FNDC3A: variants seen among roughly 807,000 people sequenced by gnomAD.
FNDC3A encodes fibronectin type-III domain-containing protein 3A.
In FNDC3A, 32 loss-of-function variants were observed where a neutral mutation model predicts 148.9. That is an observed-to-expected ratio of 0.21 (90% CI 0.16 to 0.29). FNDC3A has a LOEUF of 0.29. Ranked by LOEUF, FNDC3A falls within the 10% of genes least tolerant of loss-of-function variation. The probability of loss-of-function intolerance (pLI) is 1.00; values close to 1 mark genes in which losing one functional copy is unlikely to be tolerated. For missense variants in FNDC3A, 1,191 were observed against 1,452.8 expected, an observed-to-expected ratio of 0.82 and a Z score of 2.93; for synonymous variants, 472 against 473.6, an observed-to-expected ratio of 1.00 and a Z score of 0.04.
intron 5 of FNDC3A, among the ~76,000 whole-genome samples, chr13:49,133,526 T>G (rs1428003189): frequency 6.6e-6 from 1 of 152,188 alleles, no homozygotes; most frequent in African/African-American, 2.4e-5. Context: ...AAGCCAGAGA[T>G]TCTACCACTA....
rs565039195 is a variant in FNDC3A, at chr13:49,167,623, T to C, written c.1037+320T>C. Among the ~76,000 whole-genome samples the C allele has an allele frequency of 2.0e-5, 3 of 152,280 alleles. No individual in the cohort carries two copies. The East Asian group carries it at 5.8e-4, about 29-fold the overall frequency. On this transcript the variant is annotated intron_variant, in intron 9 of 25. Transcript: ENST00000492622. Reference sequence around the variant, plus strand: ...CGGAAGGCTGAGGTAGGAGGATTGCTTGAGCCCAGGAGGTTAAGACTGCAG... The same window carrying C: ...CGGAAGGCTGAGGTAGGAGGATTGCCTGAGCCCAGGAGGTTAAGACTGCAG...
At chr13:49,107,167 T>C (rs929628821) in intron 3 of FNDC3A, among the ~76,000 whole-genome samples, 9 of 152,312 alleles carry the variant, frequency 5.9e-5, no homozygotes, top group South Asian at 2.1e-4. Context: ...TATCAAATAT[T>C]GCATAATCAA....
chr13:49,118,846 C>T (rs1271514893), intron 4 of FNDC3A, among the ~76,000 whole-genome samples: 1 of 152,212 alleles, frequency 6.6e-6, no homozygotes, highest in Non-Finnish European at 1.5e-5. Context: ...AGAAAGGCTC[C>T]AGCCCCAGTC....
chr13:48,984,439 T>C (rs781011837), intron 1 of FNDC3A, among the ~76,000 whole-genome samples: 22 of 152,180 alleles, frequency 1.4e-4, no homozygotes, highest in Non-Finnish European at 2.2e-4. Flanking sequence ...ATTACAATTA[T>C]TAAAATAAGA....
intron 2 of FNDC3A, among the ~76,000 whole-genome samples, chr13:49,022,776 C>T (rs1051524146): frequency 3.9e-5 from 6 of 152,038 alleles, no homozygotes; most frequent in Non-Finnish European, 8.8e-5. Context: ...TTAAACATTA[C>T]TCTCCTTTTT....
At chr13:49,159,666 G>A (rs1883963254) in intron 8 of FNDC3A, among the ~76,000 whole-genome samples, 1 of 152,198 alleles carries the variant, frequency 6.6e-6, no homozygotes, top group Admixed American at 6.5e-5. Flanking sequence ...TTGAATAGGG[G>A]TGGAGAGAGA....
intron 2 of FNDC3A, among the ~76,000 whole-genome samples, chr13:49,008,618 C>G (rs540450859): frequency 6.6e-6 from 1 of 152,128 alleles, no homozygotes; most frequent in Non-Finnish European, 1.5e-5. Flanking sequence ...TCTGTCTCCT[C>G]ATTAATATTT....
intron 2 of FNDC3A, among the ~76,000 whole-genome samples, chr13:49,059,908 A>C (rs1413112597): frequency 6.6e-6 from 1 of 152,230 alleles, no homozygotes. Flanking sequence ...CAGCAAACAC[A>C]AGAAAAGATG....
chr13:49,108,526 G>T (rs1407239284), intron 3 of FNDC3A, among the ~76,000 whole-genome samples: 2 of 152,136 alleles, frequency 1.3e-5, no homozygotes, highest in Non-Finnish European at 2.9e-5. Context: ...ACAGGAACAA[G>T]TGTTCTGTAA....
In FNDC3A at chr13:49,120,055, G is replaced by A. The variant is rs183990824; in HGVS notation, c.252+5324G>A. Among the ~76,000 whole-genome samples, 1,446 of 152,248 alleles carry A rather than the reference G, an allele frequency of 9.5e-3. 13 individuals carry two copies. Among genetic ancestry groups the A allele is most frequent in the African/African-American group, 0.023 (937 of 41,522 alleles). ...CGTAATTGTCAGATTCACCAAGGTA[G>A]ACATGAAGGAAAAAATGTTAAGGGC... On this transcript the variant is annotated intron_variant, in intron 4 of 25. Transcript: ENST00000492622.
chr13:49,128,251 G>C (rs534419188), intron 4 of FNDC3A, among the ~76,000 whole-genome samples: 41 of 152,276 alleles, frequency 2.7e-4, no homozygotes, highest in Admixed American at 3.9e-4. Context: ...GGTCTTAGCT[G>C]TGATCATCTC....
intron 3 of FNDC3A, 38 bp from the exon 4 acceptor site, chr13:49,114,617 A>T (rs1566258445): frequency 7.3e-7 from 1 of 1,371,902 alleles, no homozygotes; most frequent in Non-Finnish European, 1.0e-6. Context: ...CCTGATAAGC[A>T]ATCATGGGTT....
At position 49,209,639 on chromosome 13, in the gene FNDC3A, T is replaced by G. The variant is rs1011338690; in HGVS notation, c.*2244T>G. 6.6e-6 allele frequency: 1 copy of G among 152,596 alleles called. No individual in the cohort carries two copies. The highest frequency in any genetic ancestry group is 2.4e-5 in the African/African-American group (1 of 41,454). 9.5% of individuals were successfully genotyped at this position (152,596 alleles called of 1,614,324 possible). On this transcript the variant is annotated 3_prime_UTR_variant, in exon 26 of 26. Coordinates refer to ENST00000492622, the MANE Select transcript of FNDC3A (RefSeq NM_001079673.2). ...ATATATTCATTATTTGCTACCTGTT[T>G]AAGAAAGTGAAATGTTATGGTCTCC...
intron 1 of FNDC3A, among the ~76,000 whole-genome samples, chr13:48,999,964 T>C (rs926304792): frequency 2.0e-5 from 3 of 152,196 alleles, no homozygotes; most frequent in African/African-American, 7.2e-5. Flanking sequence ...TTGCACACTT[T>C]TGTGGTTTTT....
At chr13:49,018,880 C>G (rs911294118) in intron 2 of FNDC3A, among the ~76,000 whole-genome samples, 4 of 152,278 alleles carry the variant, frequency 2.6e-5, no homozygotes, top group South Asian at 2.1e-4. Context: ...GTCAGTCTGC[C>G]CCTGCTGGGG....
chr13:49,035,334 A>G (rs1033305986), intron 2 of FNDC3A, among the ~76,000 whole-genome samples: 5 of 152,052 alleles, frequency 3.3e-5, no homozygotes, highest in South Asian at 2.1e-4. Flanking sequence ...CTGTATATAC[A>G]TATATGCAGA....
intron 5 of FNDC3A, among the ~76,000 whole-genome samples, chr13:49,135,843 A>G (rs1354944885): frequency 6.6e-6 from 1 of 152,220 alleles, no homozygotes; most frequent in Admixed American, 6.5e-5. Flanking sequence ...AACAGTCTAA[A>G]TCATTTCTTT....
At chr13:49,125,065 C>G (rs757961006) in intron 4 of FNDC3A, among the ~76,000 whole-genome samples, 3 of 152,018 alleles carry the variant, frequency 2.0e-5, no homozygotes, top group African/African-American at 7.3e-5. Context: ...AATTGTAGAT[C>G]GCATAGCGTG....
At chr13:49,153,208 A>G (rs1321454486) in intron 8 of FNDC3A, among the ~76,000 whole-genome samples, 3 of 150,914 alleles carry the variant, frequency 2.0e-5, no homozygotes, top group Admixed American at 1.3e-4. Context: ...AATGATTGCC[A>G]TTCTAACTGG....
Sources: gnomAD v4.1 joint callset for allele counts (sites outside exome capture counted in the v4.1 genomes callset) on GRCh38, gnomAD v4.1.1 for gene constraint, MANE v1.5 for transcripts, NCBI Gene and HGNC (gene_info 2026-07-23, HGNC 2026-07-21) for gene names.